The following PHKB variants were observed in gnomAD, a reference collection of about 807,000 sequenced individuals.
The protein encoded by PHKB is phosphorylase kinase regulatory subunit beta, also known as phosphorylase b kinase regulatory subunit beta.
A neutral mutation model predicts 152.1 loss-of-function variants in PHKB; 122 were observed. That is an observed-to-expected ratio of 0.80 (90% CI 0.69 to 0.93). PHKB has a LOEUF of 0.93. Ranked by LOEUF, PHKB falls within the 40% of genes least tolerant of loss-of-function variation. PHKB has a pLI of 0.00. For missense variants in PHKB, 1,304 were observed against 1,328.4 expected (o/e 0.98, Z 0.29); for synonymous variants, 436 against 464.9 (o/e 0.94, Z 0.80).
intron 27 of PHKB, among the ~76,000 whole-genome samples, chr16:47,692,680 A>G (rs867967149): frequency 1.3e-5 from 2 of 152,160 alleles, no homozygotes; most frequent in East Asian, 3.8e-4. Context: ...TTTTGCAAGA[A>G]TATTTTTAGC....
intron 19 of PHKB, 38 bp downstream of exon 19, chr16:47,650,664 T>C: frequency 7.1e-7 from 1 of 1,401,560 alleles, no homozygotes; most frequent in Non-Finnish European, 1.0e-6. Flanking sequence ...TGTGTCTCAC[T>C]GACATGAACA....
chr16:47,500,740 CCTTT>C, intron 3 of PHKB, among the ~76,000 whole-genome samples: 1 of 151,918 alleles, frequency 6.6e-6, no homozygotes, highest in East Asian at 1.9e-4. Context: ...CAAAATTTCT[CCTTT>C]ATTTATTTCA....
chr16:47,470,775 T>C (rs1048412422), intron 1 of PHKB, among the ~76,000 whole-genome samples: 8 of 152,236 alleles, frequency 5.3e-5, no homozygotes, highest in Admixed American at 3.9e-4. Context: ...TTGATGTTTA[T>C]TGTTCTTCTT....
rs940225801 is a variant in PHKB, at chr16:47,641,589, T to C, written c.1515-10T>C. 3.5e-6 allele frequency: 5 copies of C among 1,424,594 alleles called. No individual in the cohort carries two copies. Among genetic ancestry groups the C allele is most frequent in the Non-Finnish European group, 5.0e-6 (5 of 1,006,854 alleles). The allele number at this position is 1,424,594 out of a possible 1,614,324, so 88.2% of individuals were successfully genotyped here. A position where few individuals can be genotyped will look rare whatever the true frequency, so the allele number is the denominator to read the frequency against. On this transcript the variant is annotated splice_polypyrimidine_tract_variant and intron_variant, in intron 15 of 30. Coordinates refer to ENST00000323584, the MANE Select transcript of PHKB (RefSeq NM_000293.3). The stretch of plus-strand genomic sequence containing the variant: ...CTTAAAACGTCTCTTTTTATCCCTA[T>C]GATCTTTAGACTTCAAGTTTTTCTG...
intron 20 of PHKB, 55 bp from the exon 21 acceptor site, chr16:47,660,451 T>TA: frequency 7.3e-7 from 1 of 1,375,822 alleles, no homozygotes; most frequent in Admixed American, 1.7e-5. Context: ...CACAGGCCAT[T>TA]AGAGTATGGC....
At chr16:47,561,876 G>A (rs1597087256) in intron 7 of PHKB, 1 of 152,244 alleles carries the variant, frequency 6.6e-6, no homozygotes, top group East Asian at 1.9e-4. Context: ...CTCCTTTAGG[G>A]CTCGATATGA....
chr16:47,601,204 GA>G (rs1972219143), intron 13 of PHKB, among the ~76,000 whole-genome samples: 1 of 152,106 alleles, frequency 6.6e-6, no homozygotes, highest in African/African-American at 2.4e-5. Flanking sequence ...GCAATAGAGT[GA>G]GACCCTGTCT....
In PHKB at chr16:47,505,070, C is replaced by T. The variant is rs190408404; in HGVS notation, c.405+1980C>T. ...GGAACCATCTAGTGTCTGGTTCCCT[C>T]CAAGGTTTCTCTCAGGATGGCTGGC... On this transcript the variant is annotated intron_variant, in intron 4 of 30. Transcript: ENST00000323584. 2.0e-5 allele frequency among the ~76,000 whole-genome samples: 3 copies of T among 152,310 alleles called. No individual in the cohort carries two copies. The East Asian group carries it at 5.8e-4, about 29-fold the overall frequency.
At chr16:47,552,994 G>A (rs1003355898) in intron 7 of PHKB, among the ~76,000 whole-genome samples, 1 of 152,080 alleles carries the variant, frequency 6.6e-6, no homozygotes. Flanking sequence ...ACCTTGGTGA[G>A]TCTGACAATT....
intron 28 of PHKB, among the ~76,000 whole-genome samples, chr16:47,695,449 T>A (rs1329435829): frequency 6.6e-6 from 1 of 152,238 alleles, no homozygotes; most frequent in African/African-American, 2.4e-5. Context: ...ATATTGACTA[T>A]GAAATACAAT....
intron 29 of PHKB, 83 bp downstream of exon 29, chr16:47,696,571 G>T: frequency 1.2e-6 from 1 of 802,192 alleles, no homozygotes; most frequent in Admixed American, 1.7e-5. Context: ...CTGCCTATGA[G>T]ACCCAGAATC....
chr16:47,656,283 C>T (rs369464842), intron 20 of PHKB, among the ~76,000 whole-genome samples: 15 of 152,294 alleles, frequency 9.8e-5, no homozygotes, highest in East Asian at 9.6e-4. Flanking sequence ...TCCGCAAGTG[C>T]GGGGATTACA....
At chr16:47,549,537 A>G (rs1971234323) in intron 7 of PHKB, among the ~76,000 whole-genome samples, 1 of 152,128 alleles carries the variant, frequency 6.6e-6, no homozygotes, top group African/African-American at 2.4e-5. Context: ...TTAAAAAAAA[A>G]TACAAAAATT....
chr16:47,566,857 T>C, intron 7 of PHKB: 4 of 707,510 alleles, frequency 5.7e-6, no homozygotes, highest in Non-Finnish European at 1.0e-5. Context: ...AGGGAGAGAG[T>C]CTTCCCCTTC....
intron 25 of PHKB, among the ~76,000 whole-genome samples, chr16:47,668,931 T>C (rs1973587277): frequency 6.6e-6 from 1 of 152,210 alleles, no homozygotes; most frequent in Admixed American, 6.5e-5. Flanking sequence ...TAATTTTAAC[T>C]TAATTTATAT....
intron 6 of PHKB, among the ~76,000 whole-genome samples, chr16:47,519,029 T>C (rs1351130407): frequency 6.6e-6 from 1 of 152,218 alleles, no homozygotes; most frequent in African/African-American, 2.4e-5. Flanking sequence ...AATTTTGTTT[T>C]GTGTTTGAGA....
At chr16:47,637,716 T>C (rs1430153061) in intron 14 of PHKB, among the ~76,000 whole-genome samples, 11 of 152,182 alleles carry the variant, frequency 7.2e-5, no homozygotes, top group African/African-American at 2.4e-4. Flanking sequence ...GACATAGTTA[T>C]AGTCTTATAT....
At chr16:47,488,334 A>G (rs2151637244) in intron 1 of PHKB, among the ~76,000 whole-genome samples, 1 of 152,242 alleles carries the variant, frequency 6.6e-6, no homozygotes, top group African/African-American at 2.4e-5. Flanking sequence ...CAGATTCTGG[A>G]TATTAGACCT....
intron 1 of PHKB, among the ~76,000 whole-genome samples, chr16:47,491,038 T>C (rs1410657786): frequency 6.6e-6 from 1 of 152,252 alleles, no homozygotes; most frequent in African/African-American, 2.4e-5. Flanking sequence ...ACTGTTCTTA[T>C]ACACCTAGCA....
Sources: allele counts gnomAD v4.1 joint callset (sites outside exome capture counted in the v4.1 genomes callset), GRCh38; gene constraint gnomAD v4.1.1; transcripts MANE v1.5; gene names NCBI Gene and HGNC (gene_info 2026-07-23, HGNC 2026-07-21).